Variants in GLIS3 observed in about 807,000 individuals in gnomAD.
GLIS3 encodes GLIS family zinc finger 3.
GLIS3 carries 53 observed loss-of-function variants against 78.6 expected under a neutral mutation model. The observed-to-expected ratio is 0.67, with a 90% CI of 0.54 to 0.85. GLIS3 has a LOEUF of 0.85. Among genes scored for constraint, GLIS3 ranks in the 40% least tolerant of loss-of-function variants. The pLI, the probability that GLIS3 is intolerant of heterozygous loss-of-function variation, is 0.00. For missense variants in GLIS3, 1,703 were observed against 1,231.1 expected (o/e 1.38, Z -5.74); for synonymous variants, 684 against 509.9 (o/e 1.34, Z -4.60).
chr9:3,904,976 CTT>C (rs751912495), intron 6 of GLIS3, among the ~76,000 whole-genome samples: 9 of 139,294 alleles, frequency 6.5e-5, no homozygotes, highest in Admixed American at 1.4e-4. Flanking sequence ...TCTTATGACT[CTT>C]TTTTTTTTTT....
intron 4 of GLIS3, among the ~76,000 whole-genome samples, chr9:4,080,569 T>G (rs557877053): frequency 5.3e-5 from 8 of 152,320 alleles, no homozygotes; most frequent in African/African-American, 1.9e-4. Flanking sequence ...AAAATTTTGA[T>G]ATTTTGTTCA....
chr9:4,385,747 AAGAAAGAAAG>A, the GLIS3 span, among the ~76,000 whole-genome samples: 30 of 60,646 alleles, frequency 4.9e-4, 2 homozygotes, highest in East Asian at 2.0e-3. Flanking sequence ...AAAAGAAAGA[AAGAAAGAAAG>A]AAAGAAAGAA....
In GLIS3 at chr9:3,927,757, T is replaced by C. The variant is rs568904521; in HGVS notation, c.1983+4603A>G. On this transcript the variant is annotated intron_variant, in intron 6 of 10. Coordinates refer to ENST00000381971, the MANE Select transcript of GLIS3 (RefSeq NM_001042413.2). ...TCTTTTTAAATGGCTCCCATCACTATGTAGCATCAAAATGCTCTGGAAAGC... is the reference window on the plus strand; with the variant it reads ...TCTTTTTAAATGGCTCCCATCACTACGTAGCATCAAAATGCTCTGGAAAGC... 3.9e-5 allele frequency among the ~76,000 whole-genome samples: 6 copies of C among 152,346 alleles called. No homozygotes were observed. In the South Asian group the frequency reaches 1.2e-3, roughly 32 times the overall value.
At chr9:4,068,619 A>G (rs1477491605) in intron 4 of GLIS3, among the ~76,000 whole-genome samples, 1 of 152,204 alleles carries the variant, frequency 6.6e-6, no homozygotes, top group Non-Finnish European at 1.5e-5. Flanking sequence ...CTGGGGCTCA[A>G]AGAGCAAGAA....
chr9:4,123,122 C>T (rs1283368666), intron 3 of GLIS3, among the ~76,000 whole-genome samples: 1 of 152,042 alleles, frequency 6.6e-6, no homozygotes, highest in African/African-American at 2.4e-5. Context: ...AAAATACAAA[C>T]AGCCAATAAA....
rs373330820 is a variant in GLIS3 at position 4,314,265 on chromosome 9, T to C, written n.265-3737A>G. Among the ~76,000 whole-genome samples the C allele has an allele frequency of 2.9e-3, 438 of 152,144 alleles. 3 individuals are homozygous for C. The highest frequency in any genetic ancestry group is 0.01 in the African/African-American group (430 of 41,514). On this transcript the variant is annotated intron_variant and non_coding_transcript_variant, in intron 2 of 4. Coordinates refer to the GLIS3 transcript ENST00000471664. ...GTGTTGTTTTTTATTAATGGCAGGATCAGAATTAGAATCAAGAACCCTTGA... is the reference window on the plus strand; with the variant it reads ...GTGTTGTTTTTTATTAATGGCAGGACCAGAATTAGAATCAAGAACCCTTGA...
chr9:4,286,263 C>G lies in GLIS3; in HGVS notation c.163G>C (p.Ala55Pro), dbSNP rs1220228660. Residue 55 changes from alanine to proline, a missense_variant, in exon 2 of 11, where the codon GCT (alanine) becomes CCT (proline). Transcript: ENST00000381971. Reference sequence around the variant, plus strand: ...GGCATCTTGAGATGGAGGTTGTTAGCAAGGCTTGCCATAGTGGGACTCGAT... The same window carrying G: ...GGCATCTTGAGATGGAGGTTGTTAGGAAGGCTTGCCATAGTGGGACTCGAT... ...STSSPTMASL[A>P]NNLHLKMPSG... The G allele has an allele frequency of 3.1e-6, 5 of 1,614,234 alleles. No homozygotes were observed. The highest frequency in any genetic ancestry group is 4.2e-6 in the Non-Finnish European group (5 of 1,180,042).
At chr9:4,244,698 C>A (rs1037764653) in intron 2 of GLIS3, among the ~76,000 whole-genome samples, 2 of 152,090 alleles carry the variant, frequency 1.3e-5, no homozygotes, top group South Asian at 4.1e-4. Context: ...CCTCAACCTC[C>A]TGAGTAGCTG....
chr9:4,175,820 C>CT (rs1235960207), intron 2 of GLIS3, among the ~76,000 whole-genome samples: 4 of 152,084 alleles, frequency 2.6e-5, no homozygotes, highest in Non-Finnish European at 4.4e-5. Context: ...TATTACATGT[C>CT]TTTTTTTGGT....
the GLIS3 span, among the ~76,000 whole-genome samples, chr9:4,407,601 C>G: frequency 1.3e-5 from 2 of 152,172 alleles, no homozygotes; most frequent in African/African-American, 2.4e-5. Context: ...GAGCCGAGAT[C>G]TCGCCACCGC....
chr9:4,396,142 T>C, the GLIS3 span, among the ~76,000 whole-genome samples: 1 of 151,436 alleles, frequency 6.6e-6, no homozygotes, highest in Non-Finnish European at 1.5e-5. Context: ...AGATGGAATC[T>C]CACTCCGTCA....
chr9:3,951,345 G>A (rs1588297428), intron 4 of GLIS3, among the ~76,000 whole-genome samples: 1 of 151,684 alleles, frequency 6.6e-6, no homozygotes, highest in Admixed American at 6.6e-5. Context: ...ATGATCCACA[G>A]AGCCACTTCT....
At chr9:3,844,243 G>T (rs1304848701) in intron 9 of GLIS3, among the ~76,000 whole-genome samples, 1 of 152,152 alleles carries the variant, frequency 6.6e-6, no homozygotes, top group African/African-American at 2.4e-5. Context: ...TTTTAAGGAA[G>T]CTCCATCTAT....
intron 2 of GLIS3, among the ~76,000 whole-genome samples, chr9:4,207,009 G>A (rs6476825): frequency 0.54 from 81,360 of 151,874 alleles, 22,031 homozygotes; most frequent in Middle Eastern, 0.63. Flanking sequence ...CAGAGGGGAT[G>A]GAAGCCAACA....
At chr9:4,064,030 T>A (rs1425839238) in intron 4 of GLIS3, among the ~76,000 whole-genome samples, 1 of 152,086 alleles carries the variant, frequency 6.6e-6, no homozygotes, top group African/African-American at 2.4e-5. Context: ...CTCTGAAATG[T>A]AGAAGCTCAA....
chr9:4,151,333 C>G (rs1358851607), intron 2 of GLIS3, among the ~76,000 whole-genome samples: 4 of 152,196 alleles, frequency 2.6e-5, no homozygotes, highest in Non-Finnish European at 5.9e-5. Context: ...GAGTTTGCCT[C>G]TATCTCCTCA....
chr9:4,486,367 C>T, the GLIS3 span, among the ~76,000 whole-genome samples: 152 of 152,230 alleles, frequency 1.0e-3, no homozygotes, highest in African/African-American at 3.4e-3. Context: ...TGTAACCACA[C>T]CTGAACACTT....
the GLIS3 span, among the ~76,000 whole-genome samples, chr9:4,390,187 A>G: frequency 2.6e-5 from 4 of 152,200 alleles, no homozygotes; most frequent in African/African-American, 9.6e-5. Context: ...GTGGAGAATA[A>G]AGTTGGAGGG....
intron 4 of GLIS3, among the ~76,000 whole-genome samples, chr9:4,109,638 C>T (rs1831050311): frequency 6.6e-6 from 1 of 152,182 alleles, no homozygotes; most frequent in Non-Finnish European, 1.5e-5. Flanking sequence ...TGATGCTACC[C>T]TCCTAAGATA....
Sources: gnomAD v4.1 joint callset for allele counts (sites outside exome capture counted in the v4.1 genomes callset) on GRCh38, gnomAD v4.1.1 for gene constraint, MANE v1.5 for transcripts, NCBI Gene and HGNC (gene_info 2026-07-23, HGNC 2026-07-21) for gene names.